The following CHODL variants were observed in gnomAD, a reference collection of about 807,000 sequenced individuals.
CHODL encodes transmembrane protein MT75.
CHODL carries 29 observed loss-of-function variants against 34.5 expected under a neutral mutation model. The observed-to-expected ratio is 0.84, with a 90% CI of 0.63 to 1.15. CHODL has a LOEUF of 1.15. Among genes scored for constraint, CHODL ranks in the 50% most tolerant of loss-of-function variants. The pLI, the probability that CHODL is intolerant of heterozygous loss-of-function variation, is 0.00. For missense variants in CHODL, 332 were observed against 332.5 expected (o/e 1.00, Z 0.01); for synonymous variants, 125 against 116.1 (o/e 1.08, Z -0.49).
chr21:17,928,845 C>T (rs892167308), intron 1 of CHODL, among the ~76,000 whole-genome samples: 4 of 152,238 alleles, frequency 2.6e-5, no homozygotes, highest in Middle Eastern at 3.4e-3. Context: ...TATTTTCAAA[C>T]GTATACAATA....
chr21:18,183,065 A>G (rs2073400597), intron 2 of CHODL, among the ~76,000 whole-genome samples: 1 of 152,218 alleles, frequency 6.6e-6, no homozygotes, highest in Non-Finnish European at 1.5e-5. Context: ...TGAAAAGAGG[A>G]CAACCACTAA....
chr21:18,171,049 T>C (rs1185589742), intron 2 of CHODL, among the ~76,000 whole-genome samples: 2 of 151,536 alleles, frequency 1.3e-5, no homozygotes, highest in African/African-American at 4.8e-5. Flanking sequence ...GTGGTATTTT[T>C]CTTTGGCAGT....
chr21:17,921,286 A>G (rs2063181682), intron 1 of CHODL, among the ~76,000 whole-genome samples: 1 of 152,170 alleles, frequency 6.6e-6, no homozygotes, highest in African/African-American at 2.4e-5. Flanking sequence ...AACTGATCGG[A>G]TGAGCCTCAT....
At chr21:17,918,135 G>A (rs1005650036) in intron 1 of CHODL, among the ~76,000 whole-genome samples, 7 of 152,046 alleles carry the variant, frequency 4.6e-5, no homozygotes, top group African/African-American at 1.4e-4. Context: ...ATACTGGTGG[G>A]GTATGGCAAA....
chr21:17,988,191 T>C (rs549605720), intron 1 of CHODL, among the ~76,000 whole-genome samples: 4 of 152,066 alleles, frequency 2.6e-5, no homozygotes, highest in Non-Finnish European at 5.9e-5. Flanking sequence ...ATGAGAAAAA[T>C]GAAACATTTG....
intron 2 of CHODL, among the ~76,000 whole-genome samples, chr21:18,162,411 TTC>T (rs58978469): frequency 0.48 from 71,074 of 147,706 alleles, 17,848 homozygotes; most frequent in Middle Eastern, 0.62. Flanking sequence ...ACGTGGTGTT[TTC>T]TCTCTCTCTC....
chr21:18,227,699 T>C (rs1183905620), intron 2 of CHODL, among the ~76,000 whole-genome samples: 2 of 152,150 alleles, frequency 1.3e-5, no homozygotes, highest in Non-Finnish European at 2.9e-5. Context: ...GATGACATTA[T>C]CTAATACACA....
chr21:17,953,045 A>T (rs1379967098), intron 1 of CHODL, among the ~76,000 whole-genome samples: 1 of 152,120 alleles, frequency 6.6e-6, no homozygotes, highest in African/African-American at 2.4e-5. Flanking sequence ...CCCTCCCTTG[A>T]CACATGGGGA....
At chr21:17,964,951 A>G (rs2063560442) in intron 1 of CHODL, among the ~76,000 whole-genome samples, 1 of 152,216 alleles carries the variant, frequency 6.6e-6, no homozygotes, top group Non-Finnish European at 1.5e-5. Flanking sequence ...AATAAAATAG[A>G]AGCCAAGAAC....
chr21:18,165,373 C>A (rs753040597), intron 2 of CHODL, among the ~76,000 whole-genome samples: 2 of 152,120 alleles, frequency 1.3e-5, no homozygotes, highest in Non-Finnish European at 2.9e-5. Flanking sequence ...ATAATTTTGC[C>A]TCCTTTTAAT....
At chr21:18,052,700 G>C (rs2064530604) in intron 2 of CHODL, among the ~76,000 whole-genome samples, 1 of 151,848 alleles carries the variant, frequency 6.6e-6, no homozygotes, top group Non-Finnish European at 1.5e-5. Flanking sequence ...CGTCTTTCCT[G>C]TTTAGCAAAG....
At chr21:17,973,628 G>T (rs562110410) in intron 1 of CHODL, among the ~76,000 whole-genome samples, 23 of 150,728 alleles carry the variant, frequency 1.5e-4, no homozygotes, top group African/African-American at 5.3e-4. Flanking sequence ...CACCGTGTTA[G>T]CCGGGATGGT....
chr21:18,007,589 G>A (rs2063972555), intron 1 of CHODL, among the ~76,000 whole-genome samples: 1 of 152,032 alleles, frequency 6.6e-6, no homozygotes, highest in African/African-American at 2.4e-5. Context: ...TTAATGATTG[G>A]ACACACAGTC....
At chr21:17,978,733 G>GAAAAAAAAAA (rs34399713) in intron 1 of CHODL, among the ~76,000 whole-genome samples, 6 of 139,662 alleles carry the variant, frequency 4.3e-5, no homozygotes, top group Non-Finnish European at 3.1e-5. Flanking sequence ...GAAAAAAAAA[G>GAAAAAAAAAA]AAAAAAAAAA....
At chr21:18,060,392 G>A (rs1176018105) in intron 2 of CHODL, among the ~76,000 whole-genome samples, 2 of 151,968 alleles carry the variant, frequency 1.3e-5, no homozygotes, top group African/African-American at 4.8e-5. Flanking sequence ...CGAGGCTGCA[G>A]CGAGCCGTGT....
intron 2 of CHODL, among the ~76,000 whole-genome samples, chr21:18,174,161 A>ATATATATGTAT (rs2073276201): frequency 2.3e-5 from 2 of 85,670 alleles, no homozygotes; most frequent in African/African-American, 3.3e-5. Context: ...ATATATATAT[A>ATATATATGTAT]AAATCAAGTC....
At chr21:18,160,298 G>T (rs1345710333) in intron 2 of CHODL, among the ~76,000 whole-genome samples, 2 of 152,194 alleles carry the variant, frequency 1.3e-5, no homozygotes, top group African/African-American at 4.8e-5. Flanking sequence ...AATTATTTTG[G>T]GGGTAAAAGA....
chr21:18,064,082 G>A (rs1323965941), intron 2 of CHODL, among the ~76,000 whole-genome samples: 1 of 151,994 alleles, frequency 6.6e-6, no homozygotes, highest in African/African-American at 2.4e-5. Context: ...TCCTCACTTG[G>A]GTCAGAGGTT....
rs536324311 is a variant in CHODL at position 18,012,933 on chromosome 21, G to A, written c.-144-14939G>A. On this transcript the variant is annotated intron_variant, in intron 1 of 6. Coordinates refer to the CHODL transcript ENST00000400127. Reference sequence around the variant, plus strand: ...GTTCAGTAAATGGATAAATAAATGCGTAAAAAAATAGTATGTAGAACATGA... The same window carrying A: ...GTTCAGTAAATGGATAAATAAATGCATAAAAAAATAGTATGTAGAACATGA... Among the ~76,000 whole-genome samples the A allele has an allele frequency of 9.5e-5, 13 of 137,136 alleles. No homozygotes were observed. The South Asian group carries it at 1.6e-3, about 16-fold the overall frequency. The allele number at this position is 137,136 out of a possible 152,430, so 90.0% of individuals were successfully genotyped here.
Sources: allele counts gnomAD v4.1 joint callset (sites outside exome capture counted in the v4.1 genomes callset), GRCh38; gene constraint gnomAD v4.1.1; transcripts MANE v1.5; gene names NCBI Gene and HGNC (gene_info 2026-07-23, HGNC 2026-07-21).